Variants in PSMA1 observed in about 807,000 individuals in gnomAD.
The protein encoded by PSMA1 is proteasome subunit alpha type-1.
In PSMA1, 3 loss-of-function variants were observed where a neutral mutation model predicts 38.4. The ratio of observed to expected loss-of-function variants is 0.08; its 90% CI spans 0.04 to 0.20. The LOEUF (loss-of-function observed/expected upper bound fraction) is 0.20, where lower values mean the gene tolerates loss of function less well. Ranked by LOEUF, PSMA1 falls within the 10% of genes least tolerant of loss-of-function variation. The pLI, the probability that PSMA1 is intolerant of heterozygous loss-of-function variation, is 1.00. For synonymous variants in PSMA1, 101 were observed against 107.1 expected (o/e 0.94, Z 0.35); for missense variants, 227 against 325.3 (o/e 0.70, Z 2.32).
chr11:14,608,343 T>C (rs546245741), intron 2 of PSMA1, among the ~76,000 whole-genome samples: 31 of 151,954 alleles, frequency 2.0e-4, no homozygotes, highest in Admixed American at 9.2e-4. Context: ...AGCGAGACCC[T>C]GTCTCTATTA....
At chr11:14,573,418 A>C (rs966145951) in intron 2 of PSMA1, among the ~76,000 whole-genome samples, 1 of 152,236 alleles carries the variant, frequency 6.6e-6, no homozygotes, top group Non-Finnish European at 1.5e-5. Flanking sequence ...AAACCACATG[A>C]TTATCTCAAT....
chr11:14,519,953 T>C (rs1851499393), intron 1 of PSMA1: 1 of 309,112 alleles, frequency 3.2e-6, no homozygotes, highest in East Asian at 5.6e-5. Flanking sequence ...CCAAGTCAAG[T>C]CTCTGTCTTC....
chr11:14,519,876 G>A (rs1044192001), intron 1 of PSMA1: 22 of 188,686 alleles, frequency 1.2e-4, no homozygotes, highest in Non-Finnish European at 1.4e-4. Context: ...GACCCACCAG[G>A]AAAACGGACG....
intron 2 of PSMA1, among the ~76,000 whole-genome samples, chr11:14,577,186 T>C (rs1472187592): frequency 6.6e-6 from 1 of 152,222 alleles, no homozygotes; most frequent in African/African-American, 2.4e-5. Context: ...ATCAGTATGT[T>C]ATTTACTAAC....
chr11:14,598,983 T>C (rs1369516297), intron 2 of PSMA1, among the ~76,000 whole-genome samples: 1 of 152,132 alleles, frequency 6.6e-6, no homozygotes, highest in African/African-American at 2.4e-5. Flanking sequence ...ATCTTATTTC[T>C]CCTTCACTTA....
chr11:14,524,614 T>C (rs544449886), upstream of PSMA1, among the ~76,000 whole-genome samples: 33 of 152,242 alleles, frequency 2.2e-4, 1 homozygote, highest in African/African-American at 5.1e-4. Context: ...ACTCAGCCCG[T>C]CTGCACCCAG....
At chr11:14,609,765 G>C (rs1852687257) in intron 2 of PSMA1, among the ~76,000 whole-genome samples, 1 of 152,112 alleles carries the variant, frequency 6.6e-6, no homozygotes, top group South Asian at 2.1e-4. Flanking sequence ...GAGATCAGGG[G>C]GATACAGAGG....
chr11:14,552,454 G>A (rs993732161), intron 2 of PSMA1, among the ~76,000 whole-genome samples: 4 of 152,238 alleles, frequency 2.6e-5, no homozygotes, highest in East Asian at 1.9e-4. Flanking sequence ...CTGAAATTGC[G>A]GCTGAGATTG....
intron 1 of PSMA1, among the ~76,000 whole-genome samples, chr11:14,625,558 T>G (rs925986239): frequency 6.6e-6 from 1 of 152,210 alleles, no homozygotes; most frequent in African/African-American, 2.4e-5. Context: ...AATACTTCTT[T>G]TGGGCTTCTC....
chr11:14,637,140 A>G (rs540771441), intron 1 of PSMA1, among the ~76,000 whole-genome samples: 5 of 152,232 alleles, frequency 3.3e-5, no homozygotes, highest in East Asian at 1.9e-4. Context: ...GCTTCCACCT[A>G]TCTATCCAGT....
intron 2 of PSMA1, among the ~76,000 whole-genome samples, chr11:14,573,206 C>T (rs1852168101): frequency 6.6e-6 from 1 of 151,984 alleles, no homozygotes; most frequent in African/African-American, 2.4e-5. Context: ...AGAGACACAA[C>T]AAAAAAAGAG....
rs749038127 is a variant in PSMA1, at chr11:14,507,648, T to TTA, written c.735+6_735+7dup. On this transcript the variant is annotated splice_region_variant and intron_variant, in intron 9 of 9. Coordinates refer to ENST00000396394, the MANE Select transcript of PSMA1 (RefSeq NM_002786.4). ...AGAACTAAAGCCTCTTGTGTTATGATTATATACCTGTGCCTTTCTCTGTGG... is the reference window on the plus strand; with the variant it reads ...AGAACTAAAGCCTCTTGTGTTATGATTATATATACCTGTGCCTTTCTCTGTGG... The TTA allele has an allele frequency of 9.6e-6, 15 of 1,554,998 alleles. No individual in the cohort carries two copies. Among genetic ancestry groups the TTA allele is most frequent in the African/African-American group, 1.4e-5 (1 of 73,412 alleles).
intron 2 of PSMA1, among the ~76,000 whole-genome samples, chr11:14,568,638 C>A (rs918509047): frequency 2.6e-5 from 4 of 152,192 alleles, no homozygotes; most frequent in East Asian, 3.9e-4. Context: ...CAAAATCAAG[C>A]ATACTCCTGG....
At chr11:14,617,149 A>T (rs1303065538) in intron 1 of PSMA1, among the ~76,000 whole-genome samples, 1 of 152,150 alleles carries the variant, frequency 6.6e-6, no homozygotes, top group Admixed American at 6.5e-5. Context: ...TTCTTTTTTC[A>T]TACTAATCAA....
chr11:14,590,686 GA>G (rs1402662247), intron 2 of PSMA1, among the ~76,000 whole-genome samples: 1 of 152,200 alleles, frequency 6.6e-6, no homozygotes, highest in East Asian at 1.9e-4. Context: ...TCCACTCCAA[GA>G]GAGATCGTAG....
At chr11:14,579,503 T>C (rs1852257620) in intron 2 of PSMA1, among the ~76,000 whole-genome samples, 1 of 150,792 alleles carries the variant, frequency 6.6e-6, no homozygotes, top group Non-Finnish European at 1.5e-5. Flanking sequence ...TTTTTTTTTT[T>C]TTTTTTAAAT....
intron 2 of PSMA1, among the ~76,000 whole-genome samples, chr11:14,606,789 C>G (rs1194592608): frequency 6.6e-6 from 1 of 152,186 alleles, no homozygotes; most frequent in Non-Finnish European, 1.5e-5. Flanking sequence ...AGTATCTTCT[C>G]TCCACTGGAA....
Position 14,505,136 on chromosome 11 carries a change from ATGTGGTGCCTGTAT to A in PSMA1, c.*42_*55del. On this transcript the variant is annotated 3_prime_UTR_variant, in exon 10 of 10. Transcript: ENST00000396394. Reference sequence around the variant, plus strand: ...CAAAGTATAGATTATTGTCATCAGTATGTGGTGCCTGTATTCTTACATATTTGATAATACATATA... The same window carrying A: ...CAAAGTATAGATTATTGTCATCAGTATCTTACATATTTGATAATACATATA... 1.4e-6 allele frequency: 2 copies of A among 1,429,506 alleles called. No individual in the cohort carries two copies. Among genetic ancestry groups the A allele is most frequent in the Non-Finnish European group, 2.0e-6 (2 of 1,012,674 alleles). The allele number at this position is 1,429,506 out of a possible 1,614,324, so 88.6% of individuals were successfully genotyped here. A position where few individuals can be genotyped will look rare whatever the true frequency, so the allele number is the denominator to read the frequency against.
intron 2 of PSMA1, among the ~76,000 whole-genome samples, chr11:14,556,386 T>C (rs1288329846): frequency 6.6e-6 from 1 of 152,248 alleles, no homozygotes; most frequent in African/African-American, 2.4e-5. Flanking sequence ...TTTACATTAA[T>C]AATATTTCCT....
Sources: gnomAD v4.1 joint callset for allele counts (sites outside exome capture counted in the v4.1 genomes callset) on GRCh38, gnomAD v4.1.1 for gene constraint, MANE v1.5 for transcripts, NCBI Gene and HGNC (gene_info 2026-07-23, HGNC 2026-07-21) for gene names.